AKAP7: variants seen among roughly 807,000 people sequenced by gnomAD.
The protein encoded by AKAP7 is A-kinase anchoring protein 7.
A neutral mutation model predicts 39.5 loss-of-function variants in AKAP7; 39 were observed. The ratio of observed to expected loss-of-function variants is 0.99; its 90% CI spans 0.76 to 1.29. The LOEUF is 1.29. Among genes scored for constraint, AKAP7 ranks in the 50% most tolerant of loss-of-function variants. The pLI is 0.00. For synonymous variants in AKAP7, 140 were observed against 139.1 expected (o/e 1.01, Z -0.05); for missense variants, 414 against 407.7 (o/e 1.02, Z -0.13).
intron 1 of AKAP7, among the ~76,000 whole-genome samples, chr6:131,139,731 A>T (rs1314439981): frequency 6.6e-6 from 1 of 152,230 alleles, no homozygotes; most frequent in South Asian, 2.1e-4. Context: ...AGTGCTAGGC[A>T]TGGAGGAATC....
chr6:131,234,094 A>G (rs1340378340), intron 7 of AKAP7, among the ~76,000 whole-genome samples: 1 of 152,202 alleles, frequency 6.6e-6, no homozygotes, highest in African/African-American at 2.4e-5. Context: ...CAATTCATTC[A>G]TAGCTCCCTG....
chr6:131,227,839 C>T (rs1810309216), intron 7 of AKAP7, among the ~76,000 whole-genome samples: 2 of 152,128 alleles, frequency 1.3e-5, no homozygotes, highest in South Asian at 4.2e-4. Context: ...TTTAGATGTC[C>T]TTGCTTTTTG....
chr6:131,259,937 G>A (rs1213858634), intron 7 of AKAP7, among the ~76,000 whole-genome samples: 4 of 143,474 alleles, frequency 2.8e-5, no homozygotes, highest in South Asian at 2.2e-4. Flanking sequence ...CTATTTATCC[G>A]GATACTCTCT....
At chr6:131,243,298 A>G (rs1470201192) in intron 7 of AKAP7, among the ~76,000 whole-genome samples, 1 of 152,248 alleles carries the variant, frequency 6.6e-6, no homozygotes, top group Non-Finnish European at 1.5e-5. Flanking sequence ...TTGTGGATTA[A>G]GAAATGTGTG....
chr6:131,241,525 G>A (rs142488781), intron 7 of AKAP7, among the ~76,000 whole-genome samples: 1 of 150,560 alleles, frequency 6.6e-6, no homozygotes, highest in Non-Finnish European at 1.5e-5. Flanking sequence ...AGCAGCTGTG[G>A]CCCAATTAAG....
intron 7 of AKAP7, among the ~76,000 whole-genome samples, chr6:131,238,599 G>T (rs1811279452): frequency 1.3e-5 from 2 of 152,128 alleles, no homozygotes; most frequent in African/African-American, 4.8e-5. Context: ...CCCATATTGG[G>T]TACATATATA....
chr6:131,281,717 C>A lies in AKAP7; in HGVS notation c.1038C>A (p.Asn346Lys). Residue 346 changes from asparagine (N) to lysine (K), a missense_variant, in exon 8 of 8, where the codon AAC becomes AAA. Coordinates refer to ENST00000431975, the MANE Select transcript of AKAP7 (RefSeq NM_016377.4). The surrounding 1 kb of genome is among the most constrained non-coding windows in gnomAD (Gnocchi z 4.0). ...AGAATGGCAATGACAATGAGAACAA[C>A]AGGAAATGAGCCCGGAACGCAGGCC... ...ADQNGNDNEN[N>K]RK The A allele has an allele frequency of 6.2e-7, 1 of 1,602,728 alleles. No individual in the cohort carries two copies. Among genetic ancestry groups the A allele is most frequent in the Non-Finnish European group, 8.5e-7 (1 of 1,174,548 alleles).
chr6:131,246,159 T>C (rs1811988873), intron 7 of AKAP7, among the ~76,000 whole-genome samples: 1 of 151,220 alleles, frequency 6.6e-6, no homozygotes, highest in Non-Finnish European at 1.5e-5. Context: ...CAACAGAGAA[T>C]AGAGCTTTTG....
rs1376784358 is a variant in AKAP7 at position 131,151,612 on chromosome 6, G to A, written c.151+6196G>A. Among the ~76,000 whole-genome samples the A allele has an allele frequency of 2.0e-5, 3 of 152,008 alleles. No individual in the cohort carries two copies. The East Asian group carries it at 5.9e-4, about 30-fold the overall frequency. On this transcript the variant is annotated intron_variant, in intron 2 of 7. Coordinates refer to ENST00000431975, the MANE Select transcript of AKAP7 (RefSeq NM_016377.4). ...ATACAAAAAATTAGCCGAGTGTGGT[G>A]GCATGTGCCTGTAATCCCAGCTACT...
intron 7 of AKAP7, among the ~76,000 whole-genome samples, chr6:131,280,964 A>G (rs760080161): frequency 3.3e-5 from 5 of 152,076 alleles, no homozygotes; most frequent in Non-Finnish European, 4.4e-5. Context: ...TAGCACTGGG[A>G]TTAAAAAAAA....
Position 131,163,789 on chromosome 6 carries a change from TG to T in AKAP7, c.292-1287del, listed in dbSNP as rs533710270. ...AAAAGAAAAGAAGAAAACATTTTGA[TG>T]GGGGTACAGTAAATCCTAAATGTTT... On this transcript the variant is annotated intron_variant, in intron 3 of 7. Transcript: ENST00000431975. Among the ~76,000 whole-genome samples the T allele has an allele frequency of 5.5e-3, 840 of 152,170 alleles. 4 individuals carry two copies. Among genetic ancestry groups the T allele is most frequent in the Non-Finnish European group, 9.9e-3 (675 of 67,970 alleles).
intron 6 of AKAP7, among the ~76,000 whole-genome samples, chr6:131,217,581 G>A (rs1047178440): frequency 7.2e-5 from 11 of 152,178 alleles, no homozygotes; most frequent in Admixed American, 3.9e-4. Context: ...TATAAATTAT[G>A]AGTTAAGGAA....
chr6:131,193,246 A>G (rs979791937), intron 5 of AKAP7, among the ~76,000 whole-genome samples: 4 of 152,128 alleles, frequency 2.6e-5, no homozygotes, highest in African/African-American at 9.7e-5. Context: ...ATGTTGAAGT[A>G]TGTTCCTTCT....
intron 7 of AKAP7, among the ~76,000 whole-genome samples, chr6:131,241,292 A>G (rs1033482390): frequency 3.9e-5 from 6 of 151,910 alleles, no homozygotes; most frequent in Non-Finnish European, 8.8e-5. Context: ...GGAGAAGGAG[A>G]AGGAGGAGGG....
chr6:131,176,636 GT>G, intron 5 of AKAP7, among the ~76,000 whole-genome samples: 1 of 152,150 alleles, frequency 6.6e-6, no homozygotes, highest in East Asian at 1.9e-4. Flanking sequence ...AAAATGAAAG[GT>G]TTTTAGAATG....
chr6:131,143,353 C>T (rs1164072226), intron 1 of AKAP7, among the ~76,000 whole-genome samples: 1 of 152,154 alleles, frequency 6.6e-6, no homozygotes, highest in Non-Finnish European at 1.5e-5. Flanking sequence ...CGTGCCCTCC[C>T]TGCAGTAATG....
intron 5 of AKAP7, among the ~76,000 whole-genome samples, chr6:131,171,979 G>A (rs1804094191): frequency 6.6e-6 from 1 of 152,150 alleles, no homozygotes; most frequent in Non-Finnish European, 1.5e-5. Context: ...AGGAAAATTA[G>A]GAGGTGTGAT....
chr6:131,211,934 ATAGCC>A (rs1255264350), intron 6 of AKAP7, among the ~76,000 whole-genome samples: 1 of 152,196 alleles, frequency 6.6e-6, no homozygotes, highest in East Asian at 1.9e-4. Flanking sequence ...ATCAAACCTG[ATAGCC>A]TAGCCTAGCC....
intron 7 of AKAP7, among the ~76,000 whole-genome samples, chr6:131,258,817 C>A (rs191292641): frequency 6.6e-6 from 1 of 152,298 alleles, no homozygotes; most frequent in African/African-American, 2.4e-5. Flanking sequence ...TATATACTTT[C>A]CCCCAAAACT....
Sources: gnomAD v4.1 joint callset for allele counts (sites outside exome capture counted in the v4.1 genomes callset) on GRCh38, gnomAD v4.1.1 for gene constraint, Gnocchi (gnomAD v3.1) non-coding constraint, MANE v1.5 for transcripts, NCBI Gene and HGNC (gene_info 2026-07-23, HGNC 2026-07-21) for gene names.